Variants in DPYSL2 observed in about 807,000 individuals in gnomAD.
The protein encoded by DPYSL2 is dihydropyrimidinase like 2, also known as dihydropyrimidinase-related protein 2.
In DPYSL2, 13 loss-of-function variants were observed where a neutral mutation model predicts 69.9. The observed-to-expected ratio is 0.19, with a 90% CI of 0.12 to 0.30. The LOEUF (loss-of-function observed/expected upper bound fraction) is 0.30, where lower values mean the gene tolerates loss of function less well. DPYSL2 is among the 10% of genes least tolerant of loss of function. The pLI, the probability that DPYSL2 is intolerant of heterozygous loss-of-function variation, is 1.00. For missense variants in DPYSL2, 587 were observed against 918.9 expected (o/e 0.64, Z 4.67); for synonymous variants, 326 against 359.1 (o/e 0.91, Z 1.04).
intron 1 of DPYSL2, among the ~76,000 whole-genome samples, chr8:26,554,170 G>A (rs1800909515): frequency 1.3e-5 from 2 of 152,092 alleles, no homozygotes; most frequent in African/African-American, 4.8e-5. Flanking sequence ...TTACAGGCAT[G>A]AGCTACCGTG....
At chr8:26,568,881 C>T (rs578166698) in intron 1 of DPYSL2, among the ~76,000 whole-genome samples, 76 of 152,184 alleles carry the variant, frequency 5.0e-4, no homozygotes, top group Non-Finnish European at 7.9e-4. Flanking sequence ...AAGAGGAACC[C>T]GGCTGCAGTT....
chr8:26,567,331 T>G (rs945399587), intron 1 of DPYSL2, among the ~76,000 whole-genome samples: 2 of 116,136 alleles, frequency 1.7e-5, no homozygotes, highest in African/African-American at 8.2e-5. Flanking sequence ...CATCCATCCA[T>G]ATGAACATAC....
intron 1 of DPYSL2, among the ~76,000 whole-genome samples, chr8:26,566,158 C>T (rs1801145855): frequency 1.3e-5 from 2 of 152,166 alleles, no homozygotes; most frequent in South Asian, 4.1e-4. Flanking sequence ...CACAGAAGGG[C>T]AGGGCTTCTG....
intron 1 of DPYSL2, among the ~76,000 whole-genome samples, chr8:26,553,017 T>C (rs1353668104): frequency 6.6e-6 from 1 of 152,160 alleles, no homozygotes; most frequent in East Asian, 1.9e-4. Flanking sequence ...TAAAGGAAGA[T>C]TATGAACAAC....
At chr8:26,603,487 A>G (rs1802040413) in intron 3 of DPYSL2, among the ~76,000 whole-genome samples, 1 of 152,084 alleles carries the variant, frequency 6.6e-6, no homozygotes, top group African/African-American at 2.4e-5. Context: ...TCTTTATTTT[A>G]TAGTGGTAGC....
chr8:26,578,522 A>T (rs1801411490), intron 1 of DPYSL2: 4 of 1,415,738 alleles, frequency 2.8e-6, no homozygotes, highest in Non-Finnish European at 3.7e-6. Flanking sequence ...GAGTGCACGA[A>T]GGTAGCCTTA....
At position 26,593,102 on chromosome 8, in the gene DPYSL2, C is replaced by T. The variant is rs561742150; in HGVS notation, c.628+9119C>T. Among the ~76,000 whole-genome samples, 1 of 152,248 alleles carries T rather than the reference C, an allele frequency of 6.6e-6. No homozygotes were observed. Among genetic ancestry groups the T allele is most frequent in the Admixed American group, 6.5e-5 (1 of 15,296 alleles). On this transcript the variant is annotated intron_variant, in intron 3 of 13. Transcript: ENST00000521913. The surrounding 1 kb of genome is among the most constrained non-coding windows in gnomAD (Gnocchi z 5.7). Reference sequence around the variant, plus strand: ...AGAAATTAGAGTTCTTTCTGGTTAACCCATTTGGGAGGTAGCTTTCTTTGA... The same window carrying T: ...AGAAATTAGAGTTCTTTCTGGTTAATCCATTTGGGAGGTAGCTTTCTTTGA...
intron 3 of DPYSL2, among the ~76,000 whole-genome samples, chr8:26,608,534 C>T (rs1455876150): frequency 1.3e-5 from 2 of 152,196 alleles, no homozygotes; most frequent in South Asian, 2.1e-4. Context: ...ACATTTGTTA[C>T]GGTGGTGCTG....
At chr8:26,547,045 G>A (rs1474565693) in intron 1 of DPYSL2, among the ~76,000 whole-genome samples, 3 of 150,770 alleles carry the variant, frequency 2.0e-5, no homozygotes, top group Non-Finnish European at 4.4e-5. Flanking sequence ...TGCAATTGGT[G>A]AGACAAGCCC....
chr8:26,629,854 C>T (rs1006708434), intron 7 of DPYSL2, among the ~76,000 whole-genome samples: 4 of 152,238 alleles, frequency 2.6e-5, no homozygotes, highest in Admixed American at 6.5e-5. Context: ...CTCTTAGCCT[C>T]CCTGAGAGCT....
intron 3 of DPYSL2, among the ~76,000 whole-genome samples, chr8:26,615,455 G>C (rs1027074268): frequency 6.6e-6 from 1 of 152,152 alleles, no homozygotes; most frequent in Non-Finnish European, 1.5e-5. Flanking sequence ...GGACCGACGG[G>C]AGAGCTGGGT....
At chr8:26,549,542 T>C (rs1338364821) in intron 1 of DPYSL2, among the ~76,000 whole-genome samples, 1 of 152,120 alleles carries the variant, frequency 6.6e-6, no homozygotes, top group Non-Finnish European at 1.5e-5. Flanking sequence ...AAATTAATGA[T>C]AGCATACCAC....
Position 26,598,216 on chromosome 8 carries a change from C to G in DPYSL2, c.628+14233C>G, listed in dbSNP as rs527649598. Among the ~76,000 whole-genome samples the G allele has an allele frequency of 6.6e-6, 1 of 152,154 alleles. No individual in the cohort carries two copies. The highest frequency in any genetic ancestry group is 2.1e-4 in the South Asian group (1 of 4,826). ...ATTGACCCGTGGCTACTGTGGTATT[C>G]GAAGGGCTAAATTTGTTTTGTGACT... is the stretch of plus-strand genomic sequence containing the variant. On this transcript the variant is annotated intron_variant, in intron 3 of 13. Transcript: ENST00000521913. The surrounding 1 kb of genome is among the most constrained non-coding windows in gnomAD (Gnocchi z 4.2).
rs936802137 is a variant in DPYSL2 at position 26,624,001 on chromosome 8, G to A, written c.629-142G>A. On this transcript the variant is annotated intron_variant, in intron 3 of 13. Coordinates refer to ENST00000521913, the MANE Select transcript of DPYSL2 (RefSeq NM_001197293.3). This position sits in a 1 kb window ranked among gnomAD's most constrained non-coding sequence, Gnocchi z 4.7. ...CTTGGATAATCAGCTGGGTTACATG[G>A]ATTCTTAGAAGCTGGTTGTAGAGAT... 2.4e-6 allele frequency: 2 copies of A among 843,008 alleles called. No homozygotes were observed. The highest frequency in any genetic ancestry group is 3.4e-5 in the African/African-American group (2 of 58,576). 52.2% of individuals were successfully genotyped at this position (843,008 alleles called of 1,614,324 possible).
rs181197301 is a variant in DPYSL2, at chr8:26,650,631, G to A, written c.1597-1626G>A. 1.2e-3 allele frequency among the ~76,000 whole-genome samples: 176 copies of A among 152,316 alleles called. No individual in the cohort carries two copies. The highest frequency in any genetic ancestry group is 4.1e-3 in the African/African-American group (169 of 41,572). ...ATTCCATTAGGTTATGTACCACGAT[G>A]AAAGAAAACATGCCCAAGACGAGGA... is the stretch of plus-strand genomic sequence containing the variant. On this transcript the variant is annotated intron_variant, in intron 11 of 13. Coordinates refer to ENST00000521913, the MANE Select transcript of DPYSL2 (RefSeq NM_001197293.3). This position sits in a 1 kb window ranked among gnomAD's most constrained non-coding sequence, Gnocchi z 5.3.
Position 26,577,999 on chromosome 8 carries a change from C to T in DPYSL2, c.355-3970C>T, listed in dbSNP as rs930794975. The T allele has an allele frequency of 2.5e-6, 3 of 1,190,926 alleles. No individual in the cohort carries two copies. The African/African-American group carries it at 4.6e-5, about 18-fold the overall frequency. The allele number at this position is 1,190,926 out of a possible 1,614,324, so 73.8% of individuals were successfully genotyped here. A position where few individuals can be genotyped will look rare whatever the true frequency, so the allele number is the denominator to read the frequency against. ...CTCCTGTTTCTCTCTCTCCTTCTCT[C>T]TCTCTCTCTCTCTCTCTCTTTTTTT... On this transcript the variant is annotated intron_variant, in intron 1 of 13. Transcript: ENST00000521913.
chr8:26,626,482 AACACACACACACACACACACACAC>A lies in DPYSL2; in HGVS notation c.794-118_794-95del. ...TCTCCTCTCTCTTTCTCTGTACTGA[AACACACACACACACACACACACAC>A]ACACACACACACACACGTACACACA... On this transcript the variant is annotated intron_variant, in intron 4 of 13. Coordinates refer to ENST00000521913, the MANE Select transcript of DPYSL2 (RefSeq NM_001197293.3). The surrounding 1 kb of genome is among the most constrained non-coding windows in gnomAD (Gnocchi z 4.3). 4 of 546,340 alleles carry A rather than the reference AACACACACACACACACACACACAC, an allele frequency of 7.3e-6. No individual in the cohort carries two copies. Among genetic ancestry groups the A allele is most frequent in the Admixed American group, 3.3e-5 (1 of 30,090 alleles). The allele number at this position is 546,340 out of a possible 1,614,324, so 33.8% of individuals were successfully genotyped here.
In DPYSL2 at chr8:26,542,370, A is replaced by G. The variant is rs185423383; in HGVS notation, c.354+27691A>G. On this transcript the variant is annotated intron_variant, in intron 1 of 13. Transcript: ENST00000521913. ...CAAGATCAAGTCATATGCTGTCTATAATAGATACACTTTATTTATTGTTTC... is the reference window on the plus strand; with the variant it reads ...CAAGATCAAGTCATATGCTGTCTATGATAGATACACTTTATTTATTGTTTC... 1.1e-4 allele frequency among the ~76,000 whole-genome samples: 16 copies of G among 152,174 alleles called. No homozygotes were observed. The East Asian group carries it at 1.5e-3, about 15-fold the overall frequency.
At chr8:26,540,904 C>CAAA (rs56376341) in intron 1 of DPYSL2, among the ~76,000 whole-genome samples, 9 of 102,682 alleles carry the variant, frequency 8.8e-5, no homozygotes, top group Admixed American at 9.8e-5. Context: ...GACTCTGTCT[C>CAAA]AAAAAAAAAA....
Sources: gnomAD v4.1 joint callset for allele counts (sites outside exome capture counted in the v4.1 genomes callset) on GRCh38, gnomAD v4.1.1 for gene constraint, Gnocchi (gnomAD v3.1) non-coding constraint, MANE v1.5 for transcripts, NCBI Gene and HGNC (gene_info 2026-07-23, HGNC 2026-07-21) for gene names.